SPIC: variants seen among roughly 807,000 people sequenced by gnomAD.
The protein encoded by SPIC is transcription factor Spi-C.
SPIC carries 9 observed loss-of-function variants against 16.7 expected under a neutral mutation model. The ratio of observed to expected loss-of-function variants is 0.54; its 90% confidence interval spans 0.33 to 0.94. The LOEUF (loss-of-function observed/expected upper bound fraction) is 0.94, where lower values mean the gene tolerates loss of function less well. Ranked by LOEUF, SPIC falls within the 40% of genes least tolerant of loss-of-function variation. SPIC has a pLI of 0.03. For missense variants in SPIC, 241 were observed against 285.8 expected (o/e 0.84, Z 1.13); for synonymous variants, 97 against 102.9 (o/e 0.94, Z 0.35).
At chr12:101,484,723 C>T (rs1187952360) in intron 5 of SPIC, among the ~76,000 whole-genome samples, 1 of 151,574 alleles carries the variant, frequency 6.6e-6, no homozygotes, top group Admixed American at 6.6e-5. Context: ...GTAATCCCAG[C>T]ACTTCGGGAG....
chr12:101,481,125 G>A (rs910904353), intron 4 of SPIC, among the ~76,000 whole-genome samples: 16 of 152,082 alleles, frequency 1.1e-4, no homozygotes, highest in African/African-American at 3.9e-4. Flanking sequence ...CTTGCCATAT[G>A]TAAATGGTAG....
chr12:101,479,492 G>A (rs756743194), intron 3 of SPIC, 90 bp from the exon 4 acceptor site: 13 of 911,390 alleles, frequency 1.4e-5, no homozygotes, highest in African/African-American at 3.4e-5. Context: ...GAGAGCAATT[G>A]CATCTATAAG....
intron 2 of SPIC, among the ~76,000 whole-genome samples, chr12:101,477,311 G>A (rs1428542594): frequency 6.6e-6 from 1 of 152,160 alleles, no homozygotes; most frequent in Non-Finnish European, 1.5e-5. Flanking sequence ...ATTTGGTGAT[G>A]TCGGAAACAT....
chr12:101,479,307 A>G (rs200247426), intron 3 of SPIC, among the ~76,000 whole-genome samples: 4,989 of 87,900 alleles, frequency 0.057, 556 homozygotes, highest in Middle Eastern at 0.16. Flanking sequence ...AAAGAAAGAA[A>G]AAAGAAAGAA....
Position 101,476,850 on chromosome 12 carries a change from A to C in SPIC, c.-55A>C. 8.0e-7 allele frequency: 1 copy of C among 1,254,662 alleles called. No homozygotes were observed. Among genetic ancestry groups the C allele is most frequent in the Non-Finnish European group, 1.1e-6 (1 of 931,124 alleles). The allele number at this position is 1,254,662 out of a possible 1,614,324, so 77.7% of individuals were successfully genotyped here. A position where few individuals can be genotyped will look rare whatever the true frequency, so the allele number is the denominator to read the frequency against. On this transcript the variant is annotated 5_prime_UTR_variant, in exon 2 of 6. Transcript: ENST00000551346. The stretch of plus-strand genomic sequence containing the variant: ...CAGGATTGTCAACTTATTTTATTTT[A>C]TTTTCTTCAAGCAACAATTGCTAAG...
At position 101,479,648 on chromosome 12, in the gene SPIC, G is replaced by T. The variant is rs1873125020; in HGVS notation, c.164G>T (p.Gly55Val). ...PHVKGNSSCY[G>V]VLPTEEPVYN... ...GTCAAAGGAAATTCCAGCTGCTATGGAGTGTTGCCTACAGAGGAGCCTGTC... is the reference window on the plus strand; with the variant it reads ...GTCAAAGGAAATTCCAGCTGCTATGTAGTGTTGCCTACAGAGGAGCCTGTC... Residue 55 changes from glycine (G) to valine (V), a missense_variant, in exon 4 of 6, where the codon GGA becomes GTA. Gly to Val is a moderately radical substitution (Grantham distance 109). Transcript: ENST00000551346. 3 of 1,613,500 alleles carry T rather than the reference G, an allele frequency of 1.9e-6. 1 individual carries two copies. Among genetic ancestry groups the T allele is most frequent in the East Asian group, 4.5e-5 (2 of 44,868 alleles).
intron 5 of SPIC, 38 bp from the exon 6 acceptor site, chr12:101,486,306 G>A (rs761992531): frequency 2.6e-6 from 4 of 1,564,434 alleles, no homozygotes; most frequent in Non-Finnish European, 3.5e-6. Context: ...TCGGTTTACA[G>A]CCACGGTGGA....
At chr12:101,475,547 T>C (rs540558513) in intron 1 of SPIC, 45 bp downstream of exon 1, 1 of 152,340 alleles carries the variant, frequency 6.6e-6, no homozygotes, top group Non-Finnish European at 1.5e-5. Flanking sequence ...CTAATCACTG[T>C]TCATTTTTTC....
At position 101,479,253 on chromosome 12, in the gene SPIC, AG is replaced by A. The variant is rs1873087860; in HGVS notation, c.98-328del. 4.0e-4 allele frequency among the ~76,000 whole-genome samples: 41 copies of A among 102,828 alleles called. 3 individuals are homozygous for A. The highest frequency in any genetic ancestry group is 1.0e-3 in the African/African-American group (20 of 20,004). 67.5% of individuals were successfully genotyped at this position (102,828 alleles called of 152,430 possible). A position where few individuals can be genotyped will look rare whatever the true frequency, so the allele number is the denominator to read the frequency against. On this transcript the variant is annotated intron_variant, in intron 3 of 5. Coordinates refer to ENST00000551346, the MANE Select transcript of SPIC (RefSeq NM_152323.3). ...GAAAGAAAGAAAGAAAAAGAAAGAA[AG>A]AAGGAAGGAAAGAAAGAAAGAAAGA...
chr12:101,477,655 A>AAG lies in SPIC; in HGVS notation c.97+6_97+7dup, dbSNP rs776831165. ...GGAGATCTTCAGTACTCGCCAGGTAAAGATGAGTCATTTACCCTCTTCTGC... is the reference window on the plus strand; with the variant it reads ...GGAGATCTTCAGTACTCGCCAGGTAAAGAGATGAGTCATTTACCCTCTTCTGC... On this transcript the variant is annotated splice_donor_region_variant and intron_variant, in intron 3 of 5. Coordinates refer to ENST00000551346, the MANE Select transcript of SPIC (RefSeq NM_152323.3). 1.2e-6 allele frequency: 2 copies of AAG among 1,611,208 alleles called. No homozygotes were observed. Among genetic ancestry groups the AAG allele is most frequent in the Non-Finnish European group, 1.7e-6 (2 of 1,178,772 alleles).
chr12:101,478,607 G>A (rs1873036660), intron 3 of SPIC, among the ~76,000 whole-genome samples: 1 of 152,050 alleles, frequency 6.6e-6, no homozygotes, highest in East Asian at 1.9e-4. Flanking sequence ...AGAAATATCT[G>A]GTTGACATTT....
rs181895453 is a variant in SPIC, at chr12:101,479,004, G to A, written c.98-578G>A. On this transcript the variant is annotated intron_variant, in intron 3 of 5. Coordinates refer to ENST00000551346, the MANE Select transcript of SPIC (RefSeq NM_152323.3). Reference sequence around the variant, plus strand: ...ATACAAAAATTAGCCAAGTGTGGTGGCGTGTGCCTGGAGTCCCAGCTACTT... The same window carrying A: ...ATACAAAAATTAGCCAAGTGTGGTGACGTGTGCCTGGAGTCCCAGCTACTT... Among the ~76,000 whole-genome samples, 295 of 151,798 alleles carry A rather than the reference G, an allele frequency of 1.9e-3. 2 individuals are homozygous for A. The highest frequency in any genetic ancestry group is 6.6e-3 in the African/African-American group (275 of 41,388).
At chr12:101,483,917 A>C (rs1873285752) in intron 5 of SPIC, among the ~76,000 whole-genome samples, 1 of 152,094 alleles carries the variant, frequency 6.6e-6, no homozygotes, top group African/African-American at 2.4e-5. Flanking sequence ...TGATTCAGGC[A>C]GCCCCCCCGA....
At chr12:101,485,732 G>A (rs961659941) in intron 5 of SPIC, among the ~76,000 whole-genome samples, 3 of 152,102 alleles carry the variant, frequency 2.0e-5, no homozygotes, top group Non-Finnish European at 4.4e-5. Context: ...GCTTCTCTTC[G>A]AAACTGCTAA....
At chr12:101,477,090 T>C (rs1400049316) in intron 2 of SPIC, among the ~76,000 whole-genome samples, 183 bp downstream of exon 2, 1 of 152,208 alleles carries the variant, frequency 6.6e-6, no homozygotes, top group Non-Finnish European at 1.5e-5. Context: ...CATAAGAGCA[T>C]TTCATTTTTA....
intron 3 of SPIC, among the ~76,000 whole-genome samples, chr12:101,479,351 G>GAAAGAA (rs1336803369): frequency 3.3e-5 from 5 of 150,476 alleles, no homozygotes; most frequent in Non-Finnish European, 7.4e-5. Flanking sequence ...AAGAAAGAAA[G>GAAAGAA]AAAGAAATCA....
intron 1 of SPIC, among the ~76,000 whole-genome samples, chr12:101,476,228 G>A (rs560662486): frequency 3.3e-5 from 5 of 152,142 alleles, no homozygotes; most frequent in Non-Finnish European, 5.9e-5. Flanking sequence ...ATTGTGGGTC[G>A]GTGTGATAAT....
At chr12:101,482,471 A>G (rs893917968) in intron 4 of SPIC, among the ~76,000 whole-genome samples, 2 of 152,056 alleles carry the variant, frequency 1.3e-5, no homozygotes, top group African/African-American at 4.8e-5. Flanking sequence ...CCTTGCCTAC[A>G]TGGGCATCCA....
rs1455497939 is a variant in SPIC, at chr12:101,486,853, C to G, written c.*82C>G. On this transcript the variant is annotated 3_prime_UTR_variant, in exon 6 of 6. Transcript: ENST00000551346. ...ATTTCTCCCTCCCTCTCTTTTTTTC[C>G]TCCTCTGAAGAAATTTAGGATTTTT... 4 of 1,222,686 alleles carry G rather than the reference C, an allele frequency of 3.3e-6. No individual in the cohort carries two copies. The highest frequency in any genetic ancestry group is 4.4e-6 in the Non-Finnish European group (4 of 904,542). The allele number at this position is 1,222,686 out of a possible 1,614,324, so 75.7% of individuals were successfully genotyped here.
Sources: allele counts gnomAD v4.1 joint callset (sites outside exome capture counted in the v4.1 genomes callset), GRCh38; gene constraint gnomAD v4.1.1; transcripts MANE v1.5; gene names NCBI Gene and HGNC (gene_info 2026-07-23, HGNC 2026-07-21).